CTNND2: variants seen among roughly 807,000 people sequenced by gnomAD.
CTNND2 encodes catenin delta-2.
Under a neutral mutation model 144.4 loss-of-function variants are expected in CTNND2, and 22 were observed. That is an observed-to-expected ratio of 0.15 (90% CI 0.11 to 0.22). The LOEUF is 0.22. Ranked by LOEUF, CTNND2 falls within the 10% of genes least tolerant of loss-of-function variation. CTNND2 has a pLI of 1.00. For synonymous variants in CTNND2, 751 were observed against 695.6 expected, an observed-to-expected ratio of 1.08 and a Z score of -1.25; for missense variants, 1,353 against 1,618.8, an observed-to-expected ratio of 0.84 and a Z score of 2.82.
chr5:11,622,406 A>T (rs1000138630), intron 2 of CTNND2, among the ~76,000 whole-genome samples: 5 of 152,154 alleles, frequency 3.3e-5, no homozygotes, highest in Non-Finnish European at 5.9e-5. Flanking sequence ...GCAACTACAT[A>T]TAATAGGTTT....
chr5:11,197,964 G>A (rs1737042669), intron 11 of CTNND2, among the ~76,000 whole-genome samples: 1 of 152,164 alleles, frequency 6.6e-6, no homozygotes, highest in Admixed American at 6.5e-5. Context: ...GTACACAGAA[G>A]GTGCTCTGCT....
chr5:11,498,302 A>G (rs1285990331), intron 3 of CTNND2, among the ~76,000 whole-genome samples: 1 of 152,028 alleles, frequency 6.6e-6, no homozygotes, highest in Non-Finnish European at 1.5e-5. Flanking sequence ...AACTCTGCCC[A>G]GCTCATCACC....
chr5:11,719,831 TATACAC>T (rs1209514317), intron 2 of CTNND2, among the ~76,000 whole-genome samples: 4 of 109,486 alleles, frequency 3.7e-5, no homozygotes, highest in South Asian at 3.2e-4. Flanking sequence ...AGCTCTGACA[TATACAC>T]ACACACACAC....
At chr5:11,083,916 G>A (rs372312820) in intron 15 of CTNND2, 7 of 1,150,998 alleles carry the variant, frequency 6.1e-6, no homozygotes, top group Non-Finnish European at 6.5e-6. Context: ...GGCAGTGAAC[G>A]TAGGGCATAT....
At chr5:11,623,191 C>T (rs1488390870) in intron 2 of CTNND2, among the ~76,000 whole-genome samples, 1 of 152,062 alleles carries the variant, frequency 6.6e-6, no homozygotes, top group Non-Finnish European at 1.5e-5. Flanking sequence ...GTGTTCATAA[C>T]TTTGCTTTAT....
chr5:11,253,575 G>A (rs1273895167), intron 9 of CTNND2, among the ~76,000 whole-genome samples: 2 of 152,102 alleles, frequency 1.3e-5, no homozygotes, highest in Non-Finnish European at 2.9e-5. Flanking sequence ...GGCCTCCCCA[G>A]CCACATGGAA....
intron 16 of CTNND2, among the ~76,000 whole-genome samples, chr5:11,028,817 T>A (rs1030005263): frequency 1.3e-5 from 2 of 152,208 alleles, no homozygotes; most frequent in Non-Finnish European, 2.9e-5. Flanking sequence ...CAAGCAATTC[T>A]CATTCCTCAG....
chr5:11,282,545 G>C (rs1278641642), intron 9 of CTNND2, among the ~76,000 whole-genome samples: 1 of 152,220 alleles, frequency 6.6e-6, no homozygotes, highest in Non-Finnish European at 1.5e-5. Flanking sequence ...AGCAGCTCCT[G>C]CTAGAAATCC....
At chr5:11,763,116 C>A (rs1789370393) in intron 1 of CTNND2, among the ~76,000 whole-genome samples, 2 of 152,180 alleles carry the variant, frequency 1.3e-5, no homozygotes, top group Non-Finnish European at 2.9e-5. Flanking sequence ...CTCTCTCTCT[C>A]CTGCTGGCCA....
chr5:11,477,891 G>A (rs992042877), intron 3 of CTNND2, among the ~76,000 whole-genome samples: 1 of 152,160 alleles, frequency 6.6e-6, no homozygotes, highest in African/African-American at 2.4e-5. Flanking sequence ...ATGATCTCCT[G>A]TACTGCGTAT....
chr5:11,382,595 C>CTGTGTGTGTGTGTGTGTG (rs71582432), intron 7 of CTNND2, among the ~76,000 whole-genome samples: 131 of 130,208 alleles, frequency 1.0e-3, no homozygotes, highest in African/African-American at 3.5e-3. Context: ...GAGTGAGACT[C>CTGTGTGTGTGTGTGTGTG]TGTGTGTGTG....
intron 1 of CTNND2, among the ~76,000 whole-genome samples, chr5:11,769,234 C>T (rs2126821233): frequency 6.6e-6 from 1 of 152,262 alleles, no homozygotes; most frequent in South Asian, 2.1e-4. Flanking sequence ...GAGGCTGAAT[C>T]TCCAGAGGGA....
chr5:11,007,043 C>T (rs996050690), intron 18 of CTNND2, among the ~76,000 whole-genome samples: 1 of 152,150 alleles, frequency 6.6e-6, no homozygotes, highest in Non-Finnish European at 1.5e-5. Flanking sequence ...TGCTAAAACG[C>T]ATGCCACTGT....
At chr5:11,586,916 A>G (rs73051997) in intron 2 of CTNND2, among the ~76,000 whole-genome samples, 1,748 of 152,212 alleles carry the variant, frequency 0.011, 44 homozygotes, top group African/African-American at 0.04. Flanking sequence ...TTTCAGATAT[A>G]TCCACATAAT....
chr5:11,108,199 G>A (rs1220243278), intron 14 of CTNND2, among the ~76,000 whole-genome samples: 1 of 152,174 alleles, frequency 6.6e-6, no homozygotes, highest in African/African-American at 2.4e-5. Context: ...GGGAAAGGGA[G>A]GGCCAGGCAG....
chr5:11,312,393 C>A (rs1353361824), intron 9 of CTNND2, among the ~76,000 whole-genome samples: 1 of 151,922 alleles, frequency 6.6e-6, no homozygotes. Flanking sequence ...GCTGGGGAGG[C>A]CTCAGAATCA....
chr5:11,526,668 T>C (rs1228566988), intron 3 of CTNND2, among the ~76,000 whole-genome samples: 2 of 152,200 alleles, frequency 1.3e-5, no homozygotes, highest in Non-Finnish European at 2.9e-5. Context: ...TTAGGAACTA[T>C]CAGCACCCCC....
At chr5:11,155,088 C>T (rs899498246) in intron 12 of CTNND2, among the ~76,000 whole-genome samples, 2 of 152,224 alleles carry the variant, frequency 1.3e-5, no homozygotes, top group Admixed American at 1.3e-4. Context: ...TTATTCAACA[C>T]ACCGCAGTGA....
chr5:10,992,583 G>T lies in CTNND2; in HGVS notation c.3179C>A (p.Ser1060Tyr), dbSNP rs1231934063. The T allele has an allele frequency of 6.2e-7, 1 of 1,614,152 alleles. No individual in the cohort carries two copies. The highest frequency in any genetic ancestry group is 1.3e-5 in the African/African-American group (1 of 75,060). Reference sequence around the variant, plus strand: ...GTTGTTGGGAGACACGCGCACAGGGGAGATGGAGGGCGTGCGGGAGGAGGA... The same window carrying T: ...GTTGTTGGGAGACACGCGCACAGGGTAGATGGAGGGCGTGCGGGAGGAGGA... ...PYSSSRTPSI[S>Y]PVRVSPNNRS... Residue 1060 changes from serine to tyrosine, a missense_variant, in exon 19 of 22, where the codon TCC becomes TAC. Physicochemically the swap from Ser to Tyr is moderately radical, Grantham distance 144. Transcript: ENST00000304623.
Sources: gnomAD v4.1 joint callset for allele counts (sites outside exome capture counted in the v4.1 genomes callset) on GRCh38, gnomAD v4.1.1 for gene constraint, MANE v1.5 for transcripts, NCBI Gene and HGNC (gene_info 2026-07-23, HGNC 2026-07-21) for gene names.